Variants in ARHGEF3 observed in about 807,000 individuals in gnomAD.
ARHGEF3 encodes the protein Rho guanine nucleotide exchange factor 3, also known as 59.8 kDA protein.
Under a neutral mutation model 63.2 loss-of-function variants are expected in ARHGEF3, and 28 were observed. The observed-to-expected ratio is 0.44, with a 90% CI of 0.33 to 0.61. ARHGEF3 has a LOEUF of 0.61. Among genes scored for constraint, ARHGEF3 ranks in the 20% least tolerant of loss-of-function variants. ARHGEF3 has a pLI of 0.03. For synonymous variants in ARHGEF3, 266 were observed against 254.2 expected (o/e 1.05, Z -0.44); for missense variants, 533 against 659.3 (o/e 0.81, Z 2.10).
chr3:56,771,231 GGAT>G (rs1453586427), intron 2 of ARHGEF3, among the ~76,000 whole-genome samples: 2 of 152,108 alleles, frequency 1.3e-5, no homozygotes, highest in Admixed American at 6.6e-5. Context: ...TCAGTCTGCT[GGAT>G]TTCAGACATG....
chr3:56,902,644 A>G (rs760881880), intron 3 of ARHGEF3, among the ~76,000 whole-genome samples: 19 of 152,230 alleles, frequency 1.2e-4, no homozygotes, highest in Non-Finnish European at 2.4e-4. Context: ...AGAGCACTGA[A>G]GCGGGCACAT....
chr3:56,780,494 T>G (rs1578493518), intron 1 of ARHGEF3, among the ~76,000 whole-genome samples: 2 of 152,228 alleles, frequency 1.3e-5, no homozygotes, highest in East Asian at 3.8e-4. Flanking sequence ...GGCAATACTA[T>G]TAACTAAACT....
At chr3:57,026,396 G>A (rs1211375962) in intron 2 of ARHGEF3, among the ~76,000 whole-genome samples, 1 of 152,152 alleles carries the variant, frequency 6.6e-6, no homozygotes. Flanking sequence ...GCGAGACTCT[G>A]TCTCTTAAAA....
intron 2 of ARHGEF3, among the ~76,000 whole-genome samples, chr3:57,002,479 TTATA>T (rs1159985048): frequency 7.6e-5 from 3 of 39,466 alleles, no homozygotes; most frequent in East Asian, 1.6e-3. Flanking sequence ...TATATATATG[TTATA>T]TATATATATA....
intron 4 of ARHGEF3, among the ~76,000 whole-genome samples, chr3:56,881,044 T>C (rs78967635): frequency 1.5e-4 from 22 of 144,346 alleles, no homozygotes; most frequent in African/African-American, 5.7e-4. Context: ...CTAAAAAAAA[T>C]TGTTCACATT....
intron 2 of ARHGEF3, among the ~76,000 whole-genome samples, chr3:56,965,011 G>C (rs1327822590): frequency 6.6e-6 from 1 of 152,152 alleles, no homozygotes; most frequent in Non-Finnish European, 1.5e-5. Context: ...TCAGTGCTTT[G>C]GGTGGCCAAG....
intron 8 of ARHGEF3, among the ~76,000 whole-genome samples, chr3:56,736,256 A>G (rs892179817): frequency 2.0e-5 from 3 of 152,222 alleles, no homozygotes; most frequent in Middle Eastern, 3.2e-3. Context: ...CCAAAACAAC[A>G]TGGTATAATG....
intron 2 of ARHGEF3, among the ~76,000 whole-genome samples, chr3:57,008,572 G>A (rs138585091): frequency 7.0e-4 from 107 of 152,234 alleles, no homozygotes; most frequent in Non-Finnish European, 1.4e-3. Context: ...TGTCTCCCAG[G>A]TTCAAGCAAT....
intron 2 of ARHGEF3, among the ~76,000 whole-genome samples, chr3:57,013,658 T>C (rs990076901): frequency 6.6e-6 from 1 of 152,198 alleles, no homozygotes; most frequent in African/African-American, 2.4e-5. Context: ...TCAAGGTTTG[T>C]AAATGCACCA....
At chr3:56,740,554 G>C (rs2033946102) in intron 7 of ARHGEF3, among the ~76,000 whole-genome samples, 1 of 152,126 alleles carries the variant, frequency 6.6e-6, no homozygotes, top group Non-Finnish European at 1.5e-5. Context: ...TACTTTAACT[G>C]TTTATTGAGA....
chr3:56,974,314 G>T lies in ARHGEF3; in HGVS notation c.63-15425C>A, dbSNP rs145453116. On this transcript the variant is annotated intron_variant, in intron 2 of 12. Transcript: ENST00000338458. ...ATAATATACTAGTTATATAAATATC[G>T]AATTTTTCATGCTCTTCCCTTAACT... Among the ~76,000 whole-genome samples the T allele has an allele frequency of 2.6e-4, 39 of 152,106 alleles. No individual in the cohort carries two copies. The East Asian group carries it at 7.3e-3, about 29-fold the overall frequency.
At chr3:56,746,866 A>C (rs924439457) in intron 6 of ARHGEF3, among the ~76,000 whole-genome samples, 5 of 152,228 alleles carry the variant, frequency 3.3e-5, no homozygotes, top group African/African-American at 1.2e-4. Flanking sequence ...GGATACCAGG[A>C]AAGTAATATT....
At chr3:56,993,650 C>T (rs1701851567) in intron 2 of ARHGEF3, among the ~76,000 whole-genome samples, 1 of 151,352 alleles carries the variant, frequency 6.6e-6, no homozygotes, top group Non-Finnish European at 1.5e-5. Flanking sequence ...GCTGGGATTA[C>T]AGGCATGAGC....
At chr3:56,985,287 C>T (rs891834417) in intron 2 of ARHGEF3, among the ~76,000 whole-genome samples, 2 of 152,364 alleles carry the variant, frequency 1.3e-5, no homozygotes, top group Admixed American at 1.3e-4. Context: ...GAGGGTTTCA[C>T]CATGTTGGCC....
chr3:57,056,063 T>C (rs1289131637), intron 1 of ARHGEF3, among the ~76,000 whole-genome samples: 1 of 152,066 alleles, frequency 6.6e-6, no homozygotes, highest in Non-Finnish European at 1.5e-5. Flanking sequence ...ACTGTCACCA[T>C]GCTCACAGCC....
At chr3:56,989,028 C>CA (rs1701645345) in intron 2 of ARHGEF3, among the ~76,000 whole-genome samples, 1 of 152,118 alleles carries the variant, frequency 6.6e-6, no homozygotes, top group African/African-American at 2.4e-5. Flanking sequence ...CTCCTGCAGC[C>CA]ACTGAACGTT....
intron 1 of ARHGEF3, among the ~76,000 whole-genome samples, chr3:57,063,470 G>C (rs1705347241): frequency 6.6e-6 from 1 of 152,178 alleles, no homozygotes; most frequent in Admixed American, 6.5e-5. Context: ...AGAATGACCT[G>C]GAGGGTGGTA....
At chr3:56,968,341 A>AAT (rs1232065559) in intron 2 of ARHGEF3, among the ~76,000 whole-genome samples, 5 of 101,884 alleles carry the variant, frequency 4.9e-5, no homozygotes, top group Non-Finnish European at 9.3e-5. Flanking sequence ...TATAATATAT[A>AAT]ATATATATAT....
chr3:56,790,934 T>A (rs1243994481), intron 1 of ARHGEF3, among the ~76,000 whole-genome samples: 1 of 152,198 alleles, frequency 6.6e-6, no homozygotes, highest in Non-Finnish European at 1.5e-5. Context: ...TTCACATTTT[T>A]TTTTCAAGGT....
Sources: allele counts gnomAD v4.1 joint callset (sites outside exome capture counted in the v4.1 genomes callset), GRCh38; gene constraint gnomAD v4.1.1; transcripts MANE v1.5; gene names NCBI Gene and HGNC (gene_info 2026-07-23, HGNC 2026-07-21).